PDE2A: variants seen among roughly 807,000 people sequenced by gnomAD.
The protein encoded by PDE2A is phosphodiesterase 2A, also known as cGMP-dependent 3',5'-cyclic phosphodiesterase.
Under a neutral mutation model 133.6 loss-of-function variants are expected in PDE2A, and 53 were observed. That is an observed-to-expected ratio of 0.40 (90% confidence interval 0.32 to 0.50). PDE2A has a LOEUF of 0.50. Among genes scored for constraint, PDE2A ranks in the 20% least tolerant of loss-of-function variants. The pLI is 0.73. For synonymous variants in PDE2A, 491 were observed against 490.2 expected (o/e 1.00, Z -0.02); for missense variants, 796 against 1,232.4 (o/e 0.65, Z 5.30).
chr11:72,603,015 C>G (rs1167528660), intron 4 of PDE2A, among the ~76,000 whole-genome samples: 1 of 152,222 alleles, frequency 6.6e-6, no homozygotes, highest in East Asian at 1.9e-4. Flanking sequence ...TGGGCCTGGG[C>G]CTTCCCCCAA....
At chr11:72,589,070 C>A (rs969492146) in intron 12 of PDE2A, 105 bp downstream of exon 12, 1 of 1,240,152 alleles carries the variant, frequency 8.1e-7, no homozygotes, top group South Asian at 1.3e-5. Context: ...GTCCCCAGGT[C>A]TTATCTGCCC....
chr11:72,651,252 A>C (rs1219524045), intron 1 of PDE2A, among the ~76,000 whole-genome samples: 5 of 152,220 alleles, frequency 3.3e-5, no homozygotes. Flanking sequence ...GCCTGATTGC[A>C]GGACTCTAAG....
chr11:72,609,923 T>G (rs1040277498), intron 2 of PDE2A, among the ~76,000 whole-genome samples: 3 of 131,942 alleles, frequency 2.3e-5, no homozygotes, highest in African/African-American at 7.7e-5. Flanking sequence ...GAAATAAAAA[T>G]GCTCAAATTG....
intron 2 of PDE2A, among the ~76,000 whole-genome samples, chr11:72,629,714 CAG>C (rs891741471): frequency 6.6e-6 from 1 of 152,178 alleles, no homozygotes; most frequent in African/African-American, 2.4e-5. Context: ...CCATCTTACT[CAG>C]GGGCCGGGAA....
intron 1 of PDE2A, among the ~76,000 whole-genome samples, chr11:72,644,478 C>T (rs116708782): frequency 6.6e-6 from 1 of 152,322 alleles, no homozygotes; most frequent in African/African-American, 2.4e-5. Flanking sequence ...GAGCTCAGTG[C>T]ACAAGTCTCT....
chr11:72,652,720 A>G, intron 1 of PDE2A: 1 of 456,276 alleles, frequency 2.2e-6, no homozygotes, highest in Non-Finnish European at 4.4e-6. Context: ...CATTCGTCCA[A>G]AGTCATGCAG....
At chr11:72,651,493 G>A (rs998918184) in intron 1 of PDE2A, among the ~76,000 whole-genome samples, 1 of 152,106 alleles carries the variant, frequency 6.6e-6, no homozygotes, top group Admixed American at 6.5e-5. Context: ...GCCAGGGTCT[G>A]GGGGGGTGAC....
At chr11:72,593,130 C>T (rs1453389603) in intron 6 of PDE2A, among the ~76,000 whole-genome samples, 5 of 151,522 alleles carry the variant, frequency 3.3e-5, no homozygotes, top group African/African-American at 1.2e-4. Context: ...TCATGAAGAA[C>T]GTCAGGCCCT....
At chr11:72,674,032 G>C (rs1489656661) in intron 1 of PDE2A, 105 bp downstream of exon 1, 1 of 1,128,040 alleles carries the variant, frequency 8.9e-7, no homozygotes, top group Non-Finnish European at 1.3e-6. Flanking sequence ...ATCCTTCCAC[G>C]TGGCTCAGCT....
intron 4 of PDE2A, chr11:72,598,998 G>C: frequency 1.0e-6 from 1 of 985,408 alleles, no homozygotes; most frequent in Non-Finnish European, 1.2e-6. Flanking sequence ...GTTTCCTGAT[G>C]ATTAAACTGA....
chr11:72,631,685 C>T (rs925715924), intron 2 of PDE2A, among the ~76,000 whole-genome samples: 6 of 152,112 alleles, frequency 3.9e-5, no homozygotes, highest in Non-Finnish European at 7.4e-5. Context: ...ATCAGACCCC[C>T]GACCTGTATC....
At position 72,583,440 on chromosome 11, in the gene PDE2A, T is replaced by G. The variant is rs762998058; in HGVS notation, c.1726A>C (p.Lys576Gln). Residue 576 changes from lysine to glutamine, a missense_variant and splice_region_variant, in exon 20 of 31, where the codon AAG (lysine) becomes CAG (glutamine). This residue lies in a region of PDE2A where 218 missense variants were observed against 465.9 expected (regional missense o/e 0.47). Transcript: ENST00000334456. ...LANEMMMYHMKVSDDEYTKLL... is the reference protein window; with the variant it reads ...LANEMMMYHMQVSDDEYTKLL... ...CCAGAGGTCTCTGCAAGCCTCACCT[T>G]CATGTGGTACATCATCATCTCATTG... The G allele has an allele frequency of 1.2e-6, 2 of 1,608,650 alleles. No homozygotes were observed. The highest frequency in any genetic ancestry group is 1.7e-6 in the Non-Finnish European group (2 of 1,175,130).
chr11:72,600,204 G>A (rs1856678691), intron 4 of PDE2A, among the ~76,000 whole-genome samples: 2 of 152,156 alleles, frequency 1.3e-5, no homozygotes, highest in Admixed American at 1.3e-4. Context: ...GACGGTAATG[G>A]TCAGGTATGA....
chr11:72,673,903 C>T (rs79725850), intron 1 of PDE2A, among the ~76,000 whole-genome samples: 2,761 of 152,248 alleles, frequency 0.018, 69 homozygotes, highest in African/African-American at 0.064. Flanking sequence ...CATGGGACCC[C>T]AGCCTCATCA....
intron 3 of PDE2A, among the ~76,000 whole-genome samples, chr11:72,607,125 G>A (rs909462095): frequency 5.3e-5 from 8 of 152,172 alleles, no homozygotes; most frequent in Non-Finnish European, 1.5e-5. Context: ...CAGGACTCCC[G>A]AAAGTCAGGG....
intron 6 of PDE2A, among the ~76,000 whole-genome samples, chr11:72,592,438 G>A (rs1038154042): frequency 3.3e-5 from 5 of 152,224 alleles, no homozygotes; most frequent in Admixed American, 2.0e-4. Context: ...TCTGTCTGGG[G>A]TGGGACGAGT....
At chr11:72,582,921 T>C (rs1442654165) in intron 20 of PDE2A, among the ~76,000 whole-genome samples, 2 of 152,204 alleles carry the variant, frequency 1.3e-5, no homozygotes, top group Non-Finnish European at 2.9e-5. Flanking sequence ...CTCTTCCTAC[T>C]ACAGTTTTGA....
intron 14 of PDE2A, 133 bp downstream of exon 14, chr11:72,585,937 T>C (rs538189481): frequency 3.1e-5 from 21 of 667,768 alleles, no homozygotes; most frequent in Admixed American, 1.6e-4. Flanking sequence ...CTTCAAGTTA[T>C]GAGGTTATGG....
At chr11:72,602,312 C>T (rs1368728160) in intron 4 of PDE2A, among the ~76,000 whole-genome samples, 2 of 152,166 alleles carry the variant, frequency 1.3e-5, no homozygotes, top group Non-Finnish European at 2.9e-5. Flanking sequence ...CCGCCTTGAC[C>T]CTTTTCCACC....
Sources: gnomAD v4.1 joint callset for allele counts (sites outside exome capture counted in the v4.1 genomes callset) on GRCh38, gnomAD v4.1.1 for gene constraint, gnomAD v4.1.1 regional missense constraint, MANE v1.5 for transcripts, NCBI Gene and HGNC (gene_info 2026-07-23, HGNC 2026-07-21) for gene names.